DNAH3: variants seen among roughly 807,000 people sequenced by gnomAD.
DNAH3 encodes the protein dynein axonemal heavy chain 3.
DNAH3 carries 332 observed loss-of-function variants against 432.5 expected under a neutral mutation model. The ratio of observed to expected loss-of-function variants is 0.77; its 90% CI spans 0.70 to 0.84. The LOEUF (loss-of-function observed/expected upper bound fraction) is 0.84, where lower values mean the gene tolerates loss of function less well. Among genes scored for constraint, DNAH3 ranks in the 40% least tolerant of loss-of-function variants. The probability of loss-of-function intolerance (pLI) is 0.00; values close to 1 mark genes in which losing one functional copy is unlikely to be tolerated. For synonymous variants in DNAH3, 1,956 were observed against 1,900.2 expected, an observed-to-expected ratio of 1.03 and a Z score of -0.76; for missense variants, 4,861 against 5,114.0, an observed-to-expected ratio of 0.95 and a Z score of 1.51.
At chr16:20,989,597 C>T (rs1028350314) in intron 44 of DNAH3, among the ~76,000 whole-genome samples, 3 of 152,252 alleles carry the variant, frequency 2.0e-5, no homozygotes, top group Non-Finnish European at 2.9e-5. Flanking sequence ...GATCCCGCAC[C>T]GGGGCTGCAG....
intron 59 of DNAH3, among the ~76,000 whole-genome samples, chr16:20,938,970 G>T (rs1305810573): frequency 1.3e-5 from 2 of 152,056 alleles, no homozygotes; most frequent in Non-Finnish European, 2.9e-5. Context: ...TTGCCATGTT[G>T]CCCAAGCTGA....
chr16:20,951,535 C>T (rs1292152393), intron 56 of DNAH3, among the ~76,000 whole-genome samples: 1 of 151,624 alleles, frequency 6.6e-6, no homozygotes, highest in Admixed American at 6.6e-5. Context: ...CCTCCACATC[C>T]GGGGCTCAAG....
chr16:21,060,526 CTTT>C (rs375746116), intron 25 of DNAH3, among the ~76,000 whole-genome samples, 170 bp from the exon 26 acceptor site: 3 of 93,408 alleles, frequency 3.2e-5, no homozygotes, highest in Non-Finnish European at 4.1e-5. Context: ...TTTTTTTTTT[CTTT>C]TTTTTTTTTT....
At chr16:21,127,592 G>C (rs1288208727) in intron 8 of DNAH3, 95 bp downstream of exon 9, 2 of 1,461,028 alleles carry the variant, frequency 1.4e-6, no homozygotes, top group Non-Finnish European at 9.2e-7. Context: ...GGATGCCAGT[G>C]GGACAAACCC....
At position 21,137,646 on chromosome 16, in the gene DNAH3, C is replaced by T. The variant is rs1438775948; in HGVS notation, c.697-1133G>A. Reference sequence around the variant, plus strand: ...CCATGTTGGCCAGGCTGGTCTCAAACTCCTGACCTCAGGTGATCCACCCAC... The same window carrying T: ...CCATGTTGGCCAGGCTGGTCTCAAATTCCTGACCTCAGGTGATCCACCCAC... On this transcript the variant is annotated intron_variant, in intron 5 of 61. Coordinates refer to ENST00000261383, the Ensembl canonical transcript of DNAH3. 2.0e-5 allele frequency among the ~76,000 whole-genome samples: 3 copies of T among 152,098 alleles called. No individual in the cohort carries two copies. The East Asian group carries it at 5.9e-4, about 30-fold the overall frequency.
At chr16:20,986,026 T>G (rs2086177498) in intron 47 of DNAH3, among the ~76,000 whole-genome samples, 1 of 151,912 alleles carries the variant, frequency 6.6e-6, no homozygotes, top group Admixed American at 6.6e-5. Context: ...TGGCTAATTT[T>G]TGTATTTTTG....
intron 26 of DNAH3, among the ~76,000 whole-genome samples, chr16:21,059,838 G>A (rs143403993): frequency 3.9e-5 from 6 of 151,928 alleles, no homozygotes; most frequent in African/African-American, 1.4e-4. Context: ...CTACAGGCTG[G>A]GTACCAAGTT....
intron 33 of DNAH3, among the ~76,000 whole-genome samples, chr16:21,039,523 C>T (rs2089330901): frequency 6.6e-6 from 1 of 151,928 alleles, no homozygotes; most frequent in Non-Finnish European, 1.5e-5. Flanking sequence ...CGGCCTTATA[C>T]TATTTGTTGC....
chr16:20,936,971 G>A, intron 59 of DNAH3, 118 bp from the exon 60 acceptor site: 3 of 787,078 alleles, frequency 3.8e-6, no homozygotes, highest in Non-Finnish European at 6.0e-6. Flanking sequence ...ATTAAATGAG[G>A]AAAAATTAAA....
intron 48 of DNAH3, chr16:20,985,061 G>A: frequency 6.2e-7 from 1 of 1,603,968 alleles, no homozygotes; most frequent in Non-Finnish European, 8.5e-7. Context: ...AGGACAATGT[G>A]AAGGTTCTTT....
At chr16:21,130,574 G>C (rs2092538872) in intron 7 of DNAH3, among the ~76,000 whole-genome samples, 1 of 152,066 alleles carries the variant, frequency 6.6e-6, no homozygotes, top group East Asian at 1.9e-4. Flanking sequence ...CAAGGTGCTG[G>C]GATTACAGGC....
intron 17 of DNAH3, 150 bp downstream of exon 17, chr16:21,098,466 A>G (rs2091750894): frequency 1.3e-6 from 1 of 795,594 alleles, no homozygotes; most frequent in Non-Finnish European, 1.8e-6. Flanking sequence ...AAAGAAAAGA[A>G]AAAAGAAAGT....
At chr16:20,955,702 T>G (rs1035015083) in intron 54 of DNAH3, among the ~76,000 whole-genome samples, 3 of 152,108 alleles carry the variant, frequency 2.0e-5, no homozygotes, top group Admixed American at 6.6e-5. Context: ...CAGAAAAAGT[T>G]TGCTGATGCC....
intron 44 of DNAH3, 97 bp from the exon 45 acceptor site, chr16:20,988,162 C>T (rs2086302777): frequency 1.3e-6 from 2 of 1,510,464 alleles, no homozygotes; most frequent in Non-Finnish European, 1.8e-6. Context: ...TTGCCTTCTG[C>T]CTTCATGTTC....
At chr16:21,007,522 G>C (rs773359653) in intron 41 of DNAH3, among the ~76,000 whole-genome samples, 3 of 151,836 alleles carry the variant, frequency 2.0e-5, no homozygotes, top group African/African-American at 7.3e-5. Context: ...TGTAAATAAC[G>C]GTCTATTCAG....
intron 4 of DNAH3, 24 bp downstream of exon 5, chr16:21,141,276 C>T (rs1279436578): frequency 1.9e-6 from 3 of 1,557,714 alleles, no homozygotes; most frequent in African/African-American, 1.4e-5. Context: ...CCTGCCTTCT[C>T]TGGTGCCCAC....
intron 21 of DNAH3, among the ~76,000 whole-genome samples, chr16:21,071,156 C>A (rs1316803490): frequency 6.6e-6 from 1 of 152,146 alleles, no homozygotes; most frequent in Admixed American, 6.5e-5. Flanking sequence ...GATTCTCCTG[C>A]CTCAGCCTCC....
intron 44 of DNAH3, among the ~76,000 whole-genome samples, chr16:20,993,217 T>TTG (rs2086630446): frequency 1.3e-5 from 2 of 152,174 alleles, no homozygotes; most frequent in South Asian, 4.1e-4. Flanking sequence ...CCCAAGACTC[T>TTG]TGGTTCTCAA....
chr16:21,060,460 C>T (rs1363799802), intron 25 of DNAH3, 104 bp from the exon 26 acceptor site: 17 of 781,944 alleles, frequency 2.2e-5, no homozygotes, highest in Non-Finnish European at 3.3e-5. Flanking sequence ...GGAGGGATGC[C>T]AAAGGCTTGG....
Sources: allele counts gnomAD v4.1 joint callset (sites outside exome capture counted in the v4.1 genomes callset), GRCh38; gene constraint gnomAD v4.1.1; transcripts MANE v1.5; gene names NCBI Gene and HGNC (gene_info 2026-07-23, HGNC 2026-07-21).